Variants in CNTN4 observed in about 807,000 individuals in gnomAD.
CNTN4 encodes the protein contactin-4.
In CNTN4, 77 loss-of-function variants were observed where a neutral mutation model predicts 122.5. The ratio of observed to expected loss-of-function variants is 0.63; its 90% CI spans 0.52 to 0.76. The LOEUF is 0.76. Among genes scored for constraint, CNTN4 ranks in the 30% least tolerant of loss-of-function variants. The pLI, the probability that CNTN4 is intolerant of heterozygous loss-of-function variation, is 0.00. For missense variants in CNTN4, 1,256 were observed against 1,259.1 expected (o/e 1.00, Z 0.04); for synonymous variants, 512 against 447.0 (o/e 1.15, Z -1.83).
At chr3:2,223,997 G>A (rs1373936797) in intron 2 of CNTN4, among the ~76,000 whole-genome samples, 1 of 152,134 alleles carries the variant, frequency 6.6e-6, no homozygotes, top group Non-Finnish European at 1.5e-5. Context: ...ACAGGAGGGT[G>A]AGGTGAATAC....
At chr3:2,780,466 C>A (rs6786387) in intron 6 of CNTN4, among the ~76,000 whole-genome samples, 12,734 of 152,210 alleles carry the variant, frequency 0.084, 597 homozygotes, top group East Asian at 0.12. Flanking sequence ...TCTTTGGCTT[C>A]CACATAAGAA....
intron 8 of CNTN4, chr3:2,882,838 A>C (rs957297762): frequency 1.6e-5 from 5 of 316,834 alleles, no homozygotes; most frequent in African/African-American, 6.5e-5. Context: ...GATGACTAGC[A>C]CTTCATCCCC....
intron 4 of CNTN4, among the ~76,000 whole-genome samples, chr3:2,673,374 T>C (rs953796356): frequency 2.6e-5 from 4 of 152,074 alleles, no homozygotes; most frequent in African/African-American, 9.7e-5. Flanking sequence ...AATATAACCC[T>C]GAATTCCTCC....
chr3:2,946,307 T>C (rs1055603231), intron 13 of CNTN4, among the ~76,000 whole-genome samples: 5 of 152,232 alleles, frequency 3.3e-5, no homozygotes, highest in African/African-American at 1.2e-4. Flanking sequence ...CTGAACTTTC[T>C]GTCATGCGTG....
rs1044343651 is a variant in CNTN4 at position 2,606,685 on chromosome 3, C to G, written c.55+35127C>G. Among the ~76,000 whole-genome samples the G allele has an allele frequency of 5.3e-5, 8 of 152,276 alleles. No homozygotes were observed. In the East Asian group the frequency reaches 1.4e-3, roughly 26 times the overall value. On this transcript the variant is annotated intron_variant, in intron 4 of 24. Transcript: ENST00000418658. Reference sequence around the variant, plus strand: ...TATTTGCCCCTCCATGCTCCTACCCCTGCTTGTTCGTCAGCATTCTTAGGG... The same window carrying G: ...TATTTGCCCCTCCATGCTCCTACCCGTGCTTGTTCGTCAGCATTCTTAGGG...
chr3:2,294,233 A>C (rs1444206980), intron 2 of CNTN4, among the ~76,000 whole-genome samples: 1 of 151,000 alleles, frequency 6.6e-6, no homozygotes, highest in African/African-American at 2.4e-5. Context: ...GACAAAACCT[A>C]TTGATGTCAG....
At chr3:2,792,595 G>A (rs564678189) in intron 6 of CNTN4, among the ~76,000 whole-genome samples, 1 of 152,330 alleles carries the variant, frequency 6.6e-6, no homozygotes, top group African/African-American at 2.4e-5. Context: ...ATTTTTGATA[G>A]CATTATTCCA....
Position 2,572,624 on chromosome 3 carries a change from C to A in CNTN4, c.55+1066C>A, listed in dbSNP as rs1197273445. Among the ~76,000 whole-genome samples, 7 of 152,288 alleles carry A rather than the reference C, an allele frequency of 4.6e-5. No homozygotes were observed. In the East Asian group the frequency reaches 1.2e-3, roughly 25 times the overall value. ...TTCAGAGTGTCAAGTCCAAGAGGGA[C>A]ACCTGAATATATTTGCATTTTTACA... On this transcript the variant is annotated intron_variant, in intron 4 of 24. Coordinates refer to ENST00000418658, the MANE Select transcript of CNTN4 (RefSeq NM_175607.3).
At chr3:2,594,075 A>T (rs113227483) in intron 4 of CNTN4, among the ~76,000 whole-genome samples, 2 of 152,226 alleles carry the variant, frequency 1.3e-5, no homozygotes, top group African/African-American at 4.8e-5. Flanking sequence ...CTGAAAATCT[A>T]TTGGCGTATA....
chr3:2,588,433 C>T (rs1191354772), intron 4 of CNTN4, among the ~76,000 whole-genome samples: 2 of 151,520 alleles, frequency 1.3e-5, no homozygotes, highest in African/African-American at 4.8e-5. Flanking sequence ...GTGGTGTGAT[C>T]TCGGCTCACT....
At chr3:2,974,661 T>G (rs964292692) in intron 13 of CNTN4, among the ~76,000 whole-genome samples, 4 of 152,222 alleles carry the variant, frequency 2.6e-5, no homozygotes, top group African/African-American at 4.8e-5. Flanking sequence ...CTGTTGGTGA[T>G]GCTGAGTTTC....
rs1696439747 is a variant in CNTN4 at position 3,004,711 on chromosome 3, ATAGT to A, written c.1486+16242_1486+16245del. 3.9e-5 allele frequency among the ~76,000 whole-genome samples: 6 copies of A among 152,336 alleles called. No homozygotes were observed. In the South Asian group the frequency reaches 1.2e-3, roughly 32 times the overall value. ...TTAATCAGCACACACCAGCACTCAA[ATAGT>A]TACTCTCTTCTCTTGCTGTACTGTT... is the stretch of plus-strand genomic sequence containing the variant. On this transcript the variant is annotated intron_variant, in intron 14 of 24. Transcript: ENST00000418658.
intron 6 of CNTN4, among the ~76,000 whole-genome samples, chr3:2,804,277 T>C (rs1272686139): frequency 1.3e-5 from 2 of 152,144 alleles, no homozygotes; most frequent in African/African-American, 4.8e-5. Flanking sequence ...TAAACATTAT[T>C]TGTTTTCTTT....
At chr3:2,869,287 A>C (rs2093758858) in intron 8 of CNTN4, among the ~76,000 whole-genome samples, 1 of 152,128 alleles carries the variant, frequency 6.6e-6, no homozygotes, top group Non-Finnish European at 1.5e-5. Context: ...CAATCAGAAT[A>C]CTACTGCAAT....
chr3:2,643,534 A>G (rs1042093532), intron 4 of CNTN4, among the ~76,000 whole-genome samples: 1 of 152,088 alleles, frequency 6.6e-6, no homozygotes, highest in Non-Finnish European at 1.5e-5. Flanking sequence ...CATCTTCTGC[A>G]TTACTGAGCA....
At chr3:2,860,431 G>A (rs2093659800) in intron 7 of CNTN4, among the ~76,000 whole-genome samples, 1 of 152,094 alleles carries the variant, frequency 6.6e-6, no homozygotes, top group Admixed American at 6.6e-5. Flanking sequence ...ACCCTGGATG[G>A]TCCTGCTCAT....
At chr3:2,904,843 C>T (rs1274057891) in intron 12 of CNTN4, among the ~76,000 whole-genome samples, 1 of 152,178 alleles carries the variant, frequency 6.6e-6, no homozygotes, top group African/African-American at 2.4e-5. Flanking sequence ...TCTGAAAACC[C>T]TCTATATGAG....
At position 2,852,602 on chromosome 3, in the gene CNTN4, C is replaced by T. The variant is rs1018736737; in HGVS notation, c.455-14150C>T. On this transcript the variant is annotated intron_variant, in intron 7 of 24. Transcript: ENST00000418658. ...CAGTATTGCACGTGATCCCCCAACCCTCCTATGGTGTGTTATTATTATCTC... is the reference window on the plus strand; with the variant it reads ...CAGTATTGCACGTGATCCCCCAACCTTCCTATGGTGTGTTATTATTATCTC... Among the ~76,000 whole-genome samples the T allele has an allele frequency of 2.6e-5, 4 of 152,242 alleles. No homozygotes were observed. In the South Asian group the frequency reaches 6.2e-4, roughly 24 times the overall value.
intron 2 of CNTN4, among the ~76,000 whole-genome samples, chr3:2,254,581 A>G (rs1167953627): frequency 4.6e-5 from 7 of 151,826 alleles, no homozygotes; most frequent in African/African-American, 1.7e-4. Flanking sequence ...ATGATCTCCA[A>G]TCTAACTGGC....
Sources: allele counts gnomAD v4.1 joint callset (sites outside exome capture counted in the v4.1 genomes callset), GRCh38; gene constraint gnomAD v4.1.1; transcripts MANE v1.5; gene names NCBI Gene and HGNC (gene_info 2026-07-23, HGNC 2026-07-21).